The following OPRM1 variants were observed in gnomAD, a reference collection of about 807,000 sequenced individuals.
OPRM1 encodes opioid receptor mu 1.
OPRM1 carries 27 observed loss-of-function variants against 31.8 expected under a neutral mutation model. The ratio of observed to expected loss-of-function variants is 0.85; its 90% CI spans 0.63 to 1.17. The LOEUF is 1.17. Among genes scored for constraint, OPRM1 ranks in the 50% most tolerant of loss-of-function variants. The probability of loss-of-function intolerance (pLI) is 0.00; values close to 1 mark genes in which losing one functional copy is unlikely to be tolerated. For missense variants in OPRM1, 536 were observed against 511.1 expected (o/e 1.05, Z -0.47); for synonymous variants, 196 against 189.9 (o/e 1.03, Z -0.26).
chr6:154,058,433 A>C (rs1783755438), intron 1 of OPRM1, among the ~76,000 whole-genome samples: 1 of 152,238 alleles, frequency 6.6e-6, no homozygotes, highest in African/African-American at 2.4e-5. Flanking sequence ...ATAATTGGTC[A>C]AAGAAGCCCT....
At position 154,126,969 on chromosome 6, in the gene OPRM1, C is replaced by T. The variant is rs117652471; in HGVS notation, c.*8248C>T. Among the ~76,000 whole-genome samples, 3,380 of 152,072 alleles carry T rather than the reference C, an allele frequency of 0.022. 49 individuals carry two copies. Among genetic ancestry groups the T allele is most frequent in the Non-Finnish European group, 0.035 (2,347 of 67,960 alleles). On this transcript the variant is annotated 3_prime_UTR_variant, in exon 4 of 4. Coordinates refer to ENST00000330432, the MANE Select transcript of OPRM1 (RefSeq NM_000914.5). Reference sequence around the variant, plus strand: ...TACTAAAAATACAAAATTAGGAAGGCGTGGTGGTGCACGCCTGTAATCCCA... The same window carrying T: ...TACTAAAAATACAAAATTAGGAAGGTGTGGTGGTGCACGCCTGTAATCCCA...
chr6:154,223,330 G>A (rs576824229), intron 3 of OPRM1: 45 of 1,028,306 alleles, frequency 4.4e-5, no homozygotes, highest in Non-Finnish European at 6.1e-5. Flanking sequence ...AATAGGGATG[G>A]TATAAATGAC....
At chr6:154,230,909 CTT>C (rs1425783873) in intron 3 of OPRM1, among the ~76,000 whole-genome samples, 2 of 151,982 alleles carry the variant, frequency 1.3e-5, no homozygotes, top group African/African-American at 4.8e-5. Context: ...TTGTAATATA[CTT>C]TTGTGTTTTT....
At chr6:154,166,459 G>A (rs569278693) in intron 3 of OPRM1, among the ~76,000 whole-genome samples, 5 of 152,294 alleles carry the variant, frequency 3.3e-5, no homozygotes, top group Admixed American at 6.5e-5. Context: ...CTTATTATCC[G>A]TTGACAGACA....
Position 154,064,274 on chromosome 6 carries a change from T to G in OPRM1, c.290+24440T>G, listed in dbSNP as rs535404636. ...ATGCTTATTATCCATTCAAAAATCT[T>G]TTTTGGAGAAAAGTCTGAATAGACT... is the stretch of plus-strand genomic sequence containing the variant. On this transcript the variant is annotated intron_variant, in intron 1 of 3. Transcript: ENST00000330432. Among the ~76,000 whole-genome samples the G allele has an allele frequency of 2.0e-5, 3 of 152,294 alleles. No homozygotes were observed. In the South Asian group the frequency reaches 6.2e-4, roughly 32 times the overall value.
chr6:154,241,996 T>A lies in OPRM1; in HGVS notation c.1165-4697T>A, dbSNP rs546356712. On this transcript the variant is annotated intron_variant, in intron 3 of 3. Transcript: ENST00000337049. Reference sequence around the variant, plus strand: ...AATCCCAGTTCTGCTATTTACTCCTTATGAGACTTTGAGCAAGTTACTTAA... The same window carrying A: ...AATCCCAGTTCTGCTATTTACTCCTAATGAGACTTTGAGCAAGTTACTTAA... Among the ~76,000 whole-genome samples the A allele has an allele frequency of 6.6e-5, 10 of 152,326 alleles. No homozygotes were observed. The East Asian group carries it at 1.7e-3, about 26-fold the overall frequency.
intron 1 of OPRM1, among the ~76,000 whole-genome samples, chr6:154,018,915 T>C (rs1010292778): frequency 2.6e-5 from 4 of 152,164 alleles, no homozygotes; most frequent in East Asian, 1.9e-4. Flanking sequence ...ACAAATTTTG[T>C]TTTTCCTTAT....
intron 3 of OPRM1, among the ~76,000 whole-genome samples, chr6:154,214,604 T>C (rs1371137386): frequency 6.6e-6 from 1 of 152,222 alleles, no homozygotes; most frequent in Non-Finnish European, 1.5e-5. Flanking sequence ...TCAAATCCTT[T>C]ATCACTGGAT....
rs75233451 is a variant in OPRM1 at position 154,120,324 on chromosome 6, A to G, written c.*1603A>G. ...GATCAGAATAACTGAATTTACTCTC[A>G]GATCTATTGGCTATAGTTATGTGGA... On this transcript the variant is annotated 3_prime_UTR_variant, in exon 4 of 4. Coordinates refer to ENST00000330432, the MANE Select transcript of OPRM1 (RefSeq NM_000914.5). 6.6e-6 allele frequency among the ~76,000 whole-genome samples: 1 copy of G among 152,194 alleles called. No individual in the cohort carries two copies. Among genetic ancestry groups the G allele is most frequent in the African/African-American group, 2.4e-5 (1 of 41,458 alleles).
chr6:154,172,005 T>C (rs553107399), intron 3 of OPRM1, among the ~76,000 whole-genome samples: 18 of 152,290 alleles, frequency 1.2e-4, no homozygotes, highest in East Asian at 9.6e-4. Flanking sequence ...CAAAGATAAA[T>C]AGAATGGTTT....
chr6:154,111,805 C>T (rs751484275), intron 3 of OPRM1, among the ~76,000 whole-genome samples: 3 of 152,178 alleles, frequency 2.0e-5, no homozygotes, highest in East Asian at 3.9e-4. Context: ...CTCGCTCTGT[C>T]GCCCAGCTGG....
intron 3 of OPRM1, among the ~76,000 whole-genome samples, chr6:154,221,044 C>T (rs777837107): frequency 2.6e-5 from 4 of 152,144 alleles, no homozygotes; most frequent in African/African-American, 9.7e-5. Context: ...AGTGGTTCCC[C>T]GAAATAGCCA....
chr6:154,072,098 G>A (rs1435956056), intron 1 of OPRM1, among the ~76,000 whole-genome samples: 1 of 152,146 alleles, frequency 6.6e-6, no homozygotes, highest in African/African-American at 2.4e-5. Context: ...TTTGGCAATA[G>A]GAGAGGGATA....
intron 1 of OPRM1, among the ~76,000 whole-genome samples, chr6:154,065,067 A>G (rs1785106436): frequency 6.6e-6 from 1 of 152,110 alleles, no homozygotes; most frequent in African/African-American, 2.4e-5. Context: ...GAATCTGAAG[A>G]TGACATTGTA....
chr6:154,220,032 A>T (rs1200000211), intron 3 of OPRM1, among the ~76,000 whole-genome samples: 2 of 143,404 alleles, frequency 1.4e-5, no homozygotes, highest in Admixed American at 6.9e-5. Flanking sequence ...GTGTGTGTCC[A>T]TGCACATGTT....
intron 3 of OPRM1, chr6:154,214,215 T>G (rs756494619): frequency 3.1e-6 from 5 of 1,589,670 alleles, no homozygotes; most frequent in Admixed American, 1.7e-5. Flanking sequence ...AAATAGAACA[T>G]ACCTTCATCC....
intron 3 of OPRM1, among the ~76,000 whole-genome samples, chr6:154,198,111 C>T (rs1776769285): frequency 6.6e-6 from 1 of 152,036 alleles, no homozygotes; most frequent in African/African-American, 2.4e-5. Flanking sequence ...GTAAAGACCT[C>T]CAGTGATAAG....
intron 3 of OPRM1, among the ~76,000 whole-genome samples, chr6:154,144,869 A>C (rs1798320193): frequency 6.6e-6 from 1 of 152,124 alleles, no homozygotes; most frequent in Admixed American, 6.5e-5. Context: ...CAATAGTAAA[A>C]GAAGAAAAAT....
intron 3 of OPRM1, among the ~76,000 whole-genome samples, chr6:154,180,386 CTATA>C (rs58975780): frequency 0.057 from 5,066 of 88,208 alleles, 118 homozygotes; most frequent in African/African-American, 0.081. Context: ...ACAACAACAA[CTATA>C]TATATATATA....
Sources: allele counts gnomAD v4.1 joint callset (sites outside exome capture counted in the v4.1 genomes callset), GRCh38; gene constraint gnomAD v4.1.1; transcripts MANE v1.5; gene names NCBI Gene and HGNC (gene_info 2026-07-23, HGNC 2026-07-21).